Variants in WASHC4 observed in about 807,000 individuals in gnomAD.
WASHC4 encodes WASH complex subunit 4, also known as WASH complex subunit 7.
In WASHC4, 86 loss-of-function variants were observed where a neutral mutation model predicts 166.6. The ratio of observed to expected loss-of-function variants is 0.52; its 90% confidence interval spans 0.43 to 0.62. The LOEUF (loss-of-function observed/expected upper bound fraction) is 0.62, where lower values mean the gene tolerates loss of function less well. Ranked by LOEUF, WASHC4 falls within the 20% of genes least tolerant of loss-of-function variation. The pLI, the probability that WASHC4 is intolerant of heterozygous loss-of-function variation, is 0.00. For missense variants in WASHC4, 1,262 were observed against 1,382.4 expected (o/e 0.91, Z 1.38); for synonymous variants, 446 against 451.6 (o/e 0.99, Z 0.16).
chr12:105,136,541 C>T (rs1178809549), intron 14 of WASHC4, among the ~76,000 whole-genome samples: 1 of 152,152 alleles, frequency 6.6e-6, no homozygotes, highest in Non-Finnish European at 1.5e-5. Context: ...TACATCCCTT[C>T]ACAAATTAAT....
At position 105,157,265 on chromosome 12, in the gene WASHC4, A is replaced by C. The variant is rs1447597020; in HGVS notation, c.2855A>C (p.Asn952Thr). The C allele has an allele frequency of 3.2e-6, 5 of 1,563,052 alleles. No individual in the cohort carries two copies. In the South Asian group the frequency reaches 5.6e-5, roughly 17 times the overall value. ...GTTCCTGATCTTGAAGATATTGTAA[A>C]TTTTGAAGAACTAGTAAAAGAAGAA... ...RFVPDLEDIVNFEELVKEEGL... is the reference protein window; with the variant it reads ...RFVPDLEDIVTFEELVKEEGL... The change falls in exon 28 of 33, where the codon AAT becomes ACT. Residue 952 changes from asparagine (N) to threonine (T), a missense_variant. Transcript: ENST00000332180.
chr12:105,148,515 G>T, intron 24 of WASHC4: 1 of 985,348 alleles, frequency 1.0e-6, no homozygotes, highest in Non-Finnish European at 1.2e-6. Flanking sequence ...TTGATGAAAT[G>T]AGCATAGAAG....
intron 28 of WASHC4, among the ~76,000 whole-genome samples, chr12:105,157,662 C>T (rs1177318538): frequency 6.6e-6 from 1 of 152,172 alleles, no homozygotes; most frequent in African/African-American, 2.4e-5. Context: ...ATTCATTTCA[C>T]CTATTTTCTT....
At chr12:105,137,388 G>T (rs1469088561) in intron 14 of WASHC4, among the ~76,000 whole-genome samples, 1 of 152,118 alleles carries the variant, frequency 6.6e-6, no homozygotes, top group Non-Finnish European at 1.5e-5. Flanking sequence ...AGGAAAGGGG[G>T]ACTTGGCTTG....
At chr12:105,144,939 T>G in intron 22 of WASHC4, 67 bp downstream of exon 22, 1 of 1,464,236 alleles carries the variant, frequency 6.8e-7, no homozygotes, top group Non-Finnish European at 9.5e-7. Context: ...TTTAAGGAAG[T>G]CTTTTTTCTT....
At chr12:105,142,075 G>A (rs1205928865) in intron 18 of WASHC4, among the ~76,000 whole-genome samples, 2 of 151,370 alleles carry the variant, frequency 1.3e-5, no homozygotes, top group Non-Finnish European at 2.9e-5. Flanking sequence ...AATGGAGCAT[G>A]TGATGCAAGT....
chr12:105,128,481 C>T (rs2135756755), intron 13 of WASHC4, among the ~76,000 whole-genome samples: 1 of 152,274 alleles, frequency 6.6e-6, no homozygotes, highest in Admixed American at 6.5e-5. Flanking sequence ...ACATACTTAG[C>T]TTACATTAAT....
In WASHC4 at chr12:105,141,192, T is replaced by C. The variant is rs1882815830; in HGVS notation, c.1733T>C (p.Phe578Ser). ...QMKTFKDEELFPLQVVMKKLD... is the reference protein window; with the variant it reads ...QMKTFKDEELSPLQVVMKKLD... Reference sequence around the variant, plus strand: ...AAAACATTTAAAGATGAAGAACTCTTTCCACTTCAAGTAGTCATGAAAAAA... The same window carrying C: ...AAAACATTTAAAGATGAAGAACTCTCTCCACTTCAAGTAGTCATGAAAAAA... The change falls in exon 18 of 33, where the codon TTT becomes TCT. Residue 578 changes from phenylalanine (F) to serine (S), a missense_variant. Transcript: ENST00000332180. 1 of 1,613,518 alleles carries C rather than the reference T, an allele frequency of 6.2e-7. No individual in the cohort carries two copies. The highest frequency in any genetic ancestry group is 1.1e-5 in the South Asian group (1 of 91,056).
intron 14 of WASHC4, among the ~76,000 whole-genome samples, chr12:105,135,670 A>G (rs149390183): frequency 2.7e-4 from 32 of 120,270 alleles, no homozygotes; most frequent in African/African-American, 9.9e-4. Flanking sequence ...CCTCTGTTCT[A>G]ATTCTCTCTT....
intron 13 of WASHC4, among the ~76,000 whole-genome samples, chr12:105,131,361 C>T (rs1244116534): frequency 5.9e-5 from 9 of 152,126 alleles, no homozygotes; most frequent in Admixed American, 1.3e-4. Context: ...GCTGGGATTA[C>T]AGGCGTGAGC....
chr12:105,146,363 A>G (rs773439958), intron 22 of WASHC4, 89 bp from the exon 23 acceptor site: 17 of 804,826 alleles, frequency 2.1e-5, no homozygotes, highest in Admixed American at 6.1e-5. Flanking sequence ...ATTAGGAAAC[A>G]GTATAATCAA....
At chr12:105,120,388 C>T (rs1880615624) in intron 7 of WASHC4, among the ~76,000 whole-genome samples, 167 bp from the exon 8 acceptor site, 1 of 152,182 alleles carries the variant, frequency 6.6e-6, no homozygotes, top group African/African-American at 2.4e-5. Context: ...CAAAGTAGTT[C>T]TCTTCTTGGG....
intron 29 of WASHC4, among the ~76,000 whole-genome samples, chr12:105,161,932 C>T (rs919407644): frequency 5.3e-5 from 8 of 151,818 alleles, no homozygotes; most frequent in South Asian, 2.1e-4. Flanking sequence ...TAAGGCAGGG[C>T]GAAAAAAATA....
At chr12:105,124,497 T>C (rs1012909391) in intron 10 of WASHC4, among the ~76,000 whole-genome samples, 1 of 150,572 alleles carries the variant, frequency 6.6e-6, no homozygotes, top group Non-Finnish European at 1.5e-5. Context: ...GTTTTTGTTT[T>C]TGAGATGGAG....
intron 19 of WASHC4, 74 bp downstream of exon 19, chr12:105,142,632 A>G: frequency 1.3e-6 from 1 of 791,030 alleles, no homozygotes; most frequent in Admixed American, 2.2e-5. Flanking sequence ...AGTTTAAAAT[A>G]GATCATTTGA....
At chr12:105,126,998 A>G (rs1462661018) in intron 12 of WASHC4, 131 bp from the exon 13 acceptor site, 7 of 745,168 alleles carry the variant, frequency 9.4e-6, no homozygotes, top group Admixed American at 7.1e-5. Flanking sequence ...CTCATAATAT[A>G]TTAATAAGTA....
intron 12 of WASHC4, 108 bp downstream of exon 12, chr12:105,126,470 G>A: frequency 1.1e-6 from 1 of 874,982 alleles, no homozygotes; most frequent in Non-Finnish European, 1.7e-6. Flanking sequence ...TAATTTAAAA[G>A]TATTCACTTG....
At chr12:105,116,319 A>G (rs893019129) in intron 6 of WASHC4, among the ~76,000 whole-genome samples, 1 of 152,202 alleles carries the variant, frequency 6.6e-6, no homozygotes, top group Non-Finnish European at 1.5e-5. Context: ...TGAGTACAAG[A>G]TTTGATATAT....
intron 4 of WASHC4, among the ~76,000 whole-genome samples, chr12:105,114,815 G>C (rs981429727): frequency 6.6e-6 from 1 of 151,752 alleles, no homozygotes; most frequent in Non-Finnish European, 1.5e-5. Flanking sequence ...ATTTAGTTTT[G>C]TGTTTCCTTA....
Sources: allele counts gnomAD v4.1 joint callset (sites outside exome capture counted in the v4.1 genomes callset), GRCh38; gene constraint gnomAD v4.1.1; transcripts MANE v1.5; gene names NCBI Gene and HGNC (gene_info 2026-07-23, HGNC 2026-07-21).